The following PSMB1 variants were observed in gnomAD, a reference collection of about 807,000 sequenced individuals.
PSMB1 encodes the protein proteasome subunit beta type-1.
A neutral mutation model predicts 25.4 loss-of-function variants in PSMB1; 7 were observed. That is an observed-to-expected ratio of 0.28 (90% CI 0.16 to 0.52). The LOEUF (loss-of-function observed/expected upper bound fraction) is 0.52. Among genes scored for constraint, PSMB1 ranks in the 20% least tolerant of loss-of-function variants. PSMB1 has a pLI of 0.97. For missense variants in PSMB1, 284 were observed against 302.2 expected (o/e 0.94, Z 0.45); for synonymous variants, 119 against 115.0 (o/e 1.03, Z -0.22).
rs376415142 is a variant in PSMB1, at chr6:170,553,255, C to G, written c.-13G>C. ...TAGAGGACAACATCGCACGGCTGCGCCTGCGGATCCGACACTTGCTGTCTC... is the reference window on the plus strand; with the variant it reads ...TAGAGGACAACATCGCACGGCTGCGGCTGCGGATCCGACACTTGCTGTCTC... On this transcript the variant is annotated 5_prime_UTR_variant, in exon 1 of 6. Coordinates refer to ENST00000262193, the MANE Select transcript of PSMB1 (RefSeq NM_002793.4). The G allele has an allele frequency of 9.4e-6, 15 of 1,588,436 alleles. No individual in the cohort carries two copies. In the East Asian group the frequency reaches 3.4e-4, roughly 36 times the overall value.
chr6:170,536,992 T>C (rs1778702288), intron 5 of PSMB1, among the ~76,000 whole-genome samples: 1 of 152,084 alleles, frequency 6.6e-6, no homozygotes. Context: ...GCCATGAGAA[T>C]ACAGGAAAAC....
In PSMB1 at chr6:170,550,904, AGGGGG is replaced by A. The variant is rs11360199; in HGVS notation, c.114-1796_114-1792del. ...GTAATCCCAACACTTTGGGAGGCTG[AGGGGG>A]GGGGGGGGGGTCAATTGCCTGAGAT... On this transcript the variant is annotated intron_variant, in intron 1 of 5. Coordinates refer to ENST00000262193, the MANE Select transcript of PSMB1 (RefSeq NM_002793.4). Among the ~76,000 whole-genome samples the A allele has an allele frequency of 6.0e-4, 46 of 76,052 alleles. 1 individual carries two copies. The highest frequency in any genetic ancestry group is 1.5e-3 in the African/African-American group (29 of 19,628). 49.9% of individuals were successfully genotyped at this position (76,052 alleles called of 152,430 possible).
intron 4 of PSMB1, among the ~76,000 whole-genome samples, chr6:170,541,318 A>T (rs1180499119): frequency 6.6e-6 from 1 of 152,244 alleles, no homozygotes; most frequent in Non-Finnish European, 1.5e-5. Context: ...TTAAGAAAAA[A>T]ATAAAAACGA....
At chr6:170,546,245 G>C (rs369442244) in intron 2 of PSMB1, 61 bp from the exon 3 acceptor site, 1 of 1,356,104 alleles carries the variant, frequency 7.4e-7, no homozygotes, top group Non-Finnish European at 1.0e-6. Context: ...ACATATCTTC[G>C]GCAATTTTAA....
intron 1 of PSMB1, among the ~76,000 whole-genome samples, 190 bp downstream of exon 1, chr6:170,552,940 C>T (rs563164635): frequency 3.3e-5 from 5 of 152,346 alleles, no homozygotes; most frequent in African/African-American, 1.2e-4. Context: ...TTGAGCAAAG[C>T]GAGCCTGAAG....
intron 4 of PSMB1, among the ~76,000 whole-genome samples, chr6:170,542,275 G>A (rs191161779): frequency 2.0e-5 from 3 of 152,284 alleles, no homozygotes; most frequent in Admixed American, 6.5e-5. Context: ...CAAAGAAAAC[G>A]CTCATGGAAC....
chr6:170,545,738 G>A lies in PSMB1; in HGVS notation c.303+365C>T, dbSNP rs116077090. ...GAGGAAAAGCTTGTCAACTGATGGT[G>A]ATGCAAACCAAGCTCCTGTGTCAAA... On this transcript the variant is annotated intron_variant, in intron 3 of 5. Coordinates refer to ENST00000262193, the MANE Select transcript of PSMB1 (RefSeq NM_002793.4). 2.4e-3 allele frequency among the ~76,000 whole-genome samples: 370 copies of A among 152,314 alleles called. 1 individual carries two copies. The highest frequency in any genetic ancestry group is 8.6e-3 in the African/African-American group (359 of 41,564).
rs181669764 is a variant in PSMB1, at chr6:170,541,491, T to C, written c.433+2110A>G. On this transcript the variant is annotated intron_variant, in intron 4 of 5. Transcript: ENST00000262193. The stretch of plus-strand genomic sequence containing the variant: ...GACACAAAAGAGCTAAGAACCATCA[T>C]CTACCAGAACAAAACACCAAAAGAT... 2.4e-3 allele frequency among the ~76,000 whole-genome samples: 370 copies of C among 152,176 alleles called. 1 individual carries two copies. The highest frequency in any genetic ancestry group is 8.6e-3 in the African/African-American group (358 of 41,506).
At chr6:170,540,604 A>AAAAAAAAAAT in intron 4 of PSMB1, among the ~76,000 whole-genome samples, 1 of 151,338 alleles carries the variant, frequency 6.6e-6, no homozygotes. Flanking sequence ...AAAAAAAAAA[A>AAAAAAAAAAT]AAAAAAAAAT....
intron 5 of PSMB1, chr6:170,536,157 C>T (rs1349295074): frequency 3.2e-6 from 1 of 315,402 alleles, no homozygotes; most frequent in Non-Finnish European, 6.3e-6. Context: ...TCAGTAAACA[C>T]ACTGAGAAGT....
At chr6:170,550,907 G>A (rs199878606) in intron 1 of PSMB1, among the ~76,000 whole-genome samples, 7 of 25,082 alleles carry the variant, frequency 2.8e-4, no homozygotes, top group Admixed American at 5.7e-4. Flanking sequence ...GAGGCTGAGG[G>A]GGGGGGGGGG....
intron 4 of PSMB1, among the ~76,000 whole-genome samples, chr6:170,538,412 T>C (rs527420305): frequency 6.8e-4 from 103 of 152,234 alleles, no homozygotes; most frequent in African/African-American, 2.5e-3. Context: ...TAGAACTGCG[T>C]AAACTTGGCC....
At position 170,543,609 on chromosome 6, in the gene PSMB1, T is replaced by C. The variant is rs774714086; in HGVS notation, c.425A>G (p.Asp142Gly). The stretch of plus-strand genomic sequence containing the variant: ...GAAAGAAGGAATTCTACCTTCTTCA[T>C]CAAGTCCACCGATGATGTTGTAAAC... Reference protein sequence around the residue: ...YYVYNIIGGLDEEGKGAVYSF... With the variant: ...YYVYNIIGGLGEEGKGAVYSF... Residue 142 changes from aspartate (D) to glycine (G), a missense_variant, in exon 4 of 6, where the codon GAT (aspartate) becomes GGT (glycine). Coordinates refer to ENST00000262193, the MANE Select transcript of PSMB1 (RefSeq NM_002793.4). The C allele has an allele frequency of 6.2e-7, 1 of 1,608,088 alleles. No individual in the cohort carries two copies. The highest frequency in any genetic ancestry group is 8.5e-7 in the Non-Finnish European group (1 of 1,176,206).
intron 2 of PSMB1, among the ~76,000 whole-genome samples, chr6:170,548,738 G>C (rs1350958751): frequency 2.6e-5 from 4 of 152,136 alleles, no homozygotes; most frequent in South Asian, 2.1e-4. Flanking sequence ...ACCATGTTAA[G>C]ACACAGCAGG....
At chr6:170,537,422 T>C (rs17860768) in intron 4 of PSMB1, 82 bp from the exon 5 acceptor site, 85 of 1,146,148 alleles carry the variant, frequency 7.4e-5, no homozygotes, top group Non-Finnish European at 1.1e-4. Flanking sequence ...GGTCAAAACG[T>C]GACACAAAAC....
intron 4 of PSMB1, among the ~76,000 whole-genome samples, chr6:170,537,996 T>A (rs1271459117): frequency 6.6e-6 from 1 of 152,200 alleles, no homozygotes; most frequent in African/African-American, 2.4e-5. Flanking sequence ...ACGAAGAGAA[T>A]TCTGTAACCT....
chr6:170,540,668 A>C (rs1243286156), intron 4 of PSMB1, among the ~76,000 whole-genome samples: 1 of 151,678 alleles, frequency 6.6e-6, no homozygotes, highest in Non-Finnish European at 1.5e-5. Context: ...AAATGAACAC[A>C]TAACATGAAA....
In PSMB1 at chr6:170,535,237, A is replaced by C; in HGVS notation, c.709T>G (p.Ser237Ala). Residue 237 changes from serine to alanine, a missense_variant, in exon 6 of 6, where the codon TCC becomes GCC. Coordinates refer to ENST00000262193, the MANE Select transcript of PSMB1 (RefSeq NM_002793.4). ...TKEGIREETV[S>A]LRKD The stretch of plus-strand genomic sequence containing the variant: ...CACACAGATCAGTCCTTCCTTAAGG[A>C]AACAGTTTCCTCCCTGATGCCCTCT... 6.2e-7 allele frequency: 1 copy of C among 1,614,114 alleles called. No homozygotes were observed. The highest frequency in any genetic ancestry group is 1.7e-5 in the Admixed American group (1 of 60,026).
intron 1 of PSMB1, chr6:170,550,507 G>A (rs916123381): frequency 2.0e-4 from 31 of 152,242 alleles, no homozygotes; most frequent in African/African-American, 6.5e-4. Flanking sequence ...GGTGTTCAAG[G>A]CTGCAGTGAG....
Sources: gnomAD v4.1 joint callset for allele counts (sites outside exome capture counted in the v4.1 genomes callset) on GRCh38, gnomAD v4.1.1 for gene constraint, MANE v1.5 for transcripts, NCBI Gene and HGNC (gene_info 2026-07-23, HGNC 2026-07-21) for gene names.